Variants in SGCZ observed in about 807,000 individuals in gnomAD.
The protein encoded by SGCZ is sarcoglycan zeta, also known as zeta-sarcoglycan.
SGCZ carries 40 observed loss-of-function variants against 41.3 expected under a neutral mutation model. The ratio of observed to expected loss-of-function variants is 0.97; its 90% CI spans 0.75 to 1.26. The LOEUF is 1.26. Ranked by LOEUF, SGCZ falls within the 50% of genes most tolerant of loss-of-function variation. The pLI, the probability that SGCZ is intolerant of heterozygous loss-of-function variation, is 0.00. For synonymous variants in SGCZ, 206 were observed against 137.5 expected (o/e 1.50, Z -3.49); for missense variants, 552 against 369.8 (o/e 1.49, Z -4.04).
At chr8:14,418,044 T>C (rs967070909) in intron 2 of SGCZ, among the ~76,000 whole-genome samples, 1 of 151,862 alleles carries the variant, frequency 6.6e-6, no homozygotes, top group African/African-American at 2.4e-5. Flanking sequence ...TTTCATAGGC[T>C]ATGTCTGTCA....
At chr8:14,811,120 G>A (rs1801725179) in intron 1 of SGCZ, among the ~76,000 whole-genome samples, 1 of 151,850 alleles carries the variant, frequency 6.6e-6, no homozygotes, top group Non-Finnish European at 1.5e-5. Context: ...AAGAAATATA[G>A]AACACAGAAA....
chr8:14,977,637 C>A (rs1341053764), intron 1 of SGCZ, among the ~76,000 whole-genome samples: 1 of 151,686 alleles, frequency 6.6e-6, no homozygotes, highest in Non-Finnish European at 1.5e-5. Flanking sequence ...TAAAAATATG[C>A]AAAATCTTGC....
At chr8:14,218,945 C>T (rs148500186) in intron 4 of SGCZ, among the ~76,000 whole-genome samples, 2 of 152,180 alleles carry the variant, frequency 1.3e-5, no homozygotes, top group Non-Finnish European at 2.9e-5. Flanking sequence ...TACAGCTACA[C>T]GGAGAAATTG....
At chr8:14,547,426 C>G (rs919645468) in intron 2 of SGCZ, among the ~76,000 whole-genome samples, 6 of 151,998 alleles carry the variant, frequency 3.9e-5, no homozygotes, top group Admixed American at 6.6e-5. Flanking sequence ...TATGTAAACG[C>G]TTTTTATATC....
chr8:14,318,012 T>C (rs965126405), intron 3 of SGCZ, among the ~76,000 whole-genome samples: 1 of 151,982 alleles, frequency 6.6e-6, no homozygotes, highest in African/African-American at 2.4e-5. Flanking sequence ...TTTGGGTTTC[T>C]TGCAAGTATA....
rs555683522 is a variant in SGCZ at position 14,575,307 on chromosome 8, GT to G, written c.40-20382del. On this transcript the variant is annotated intron_variant, in intron 1 of 7. Transcript: ENST00000382080. ...AGATGTACAGGTATGGCTACTTTGA[GT>G]TGAATGGAAATAGCAAGTGATGGGA... is the stretch of plus-strand genomic sequence containing the variant. 1.4e-4 allele frequency among the ~76,000 whole-genome samples: 22 copies of G among 152,276 alleles called. No individual in the cohort carries two copies. The South Asian group carries it at 3.7e-3, about 26-fold the overall frequency.
intron 4 of SGCZ, among the ~76,000 whole-genome samples, chr8:14,216,841 G>T (rs905453300): frequency 6.6e-6 from 1 of 152,184 alleles, no homozygotes; most frequent in Admixed American, 6.5e-5. Context: ...TCTGAGTCAT[G>T]TAAGTCCTAA....
At chr8:14,293,672 CG>C in intron 3 of SGCZ, among the ~76,000 whole-genome samples, 1 of 151,556 alleles carries the variant, frequency 6.6e-6, no homozygotes, top group Non-Finnish European at 1.5e-5. Context: ...GGTTAATTAA[CG>C]ACTGAAATTC....
intron 2 of SGCZ, among the ~76,000 whole-genome samples, chr8:14,362,336 T>C (rs1196296280): frequency 6.6e-6 from 1 of 152,194 alleles, no homozygotes; most frequent in Admixed American, 6.5e-5. Flanking sequence ...CTCTGCCCAG[T>C]TCGAGCTTTC....
intron 2 of SGCZ, among the ~76,000 whole-genome samples, chr8:14,520,120 T>A (rs1030297375): frequency 2.0e-5 from 3 of 152,110 alleles, no homozygotes; most frequent in Non-Finnish European, 4.4e-5. Flanking sequence ...TTATAATACA[T>A]CCTGCCAAGT....
At chr8:14,546,509 A>G (rs1803632700) in intron 2 of SGCZ, among the ~76,000 whole-genome samples, 2 of 152,076 alleles carry the variant, frequency 1.3e-5, no homozygotes, top group Admixed American at 1.3e-4. Context: ...ATGTCATTGT[A>G]CTCTCCAGAA....
At chr8:14,817,884 C>G (rs1300225650) in intron 1 of SGCZ, among the ~76,000 whole-genome samples, 2 of 152,308 alleles carry the variant, frequency 1.3e-5, no homozygotes, top group Non-Finnish European at 2.9e-5. Context: ...CACCTGAATC[C>G]ACTGTGCCTG....
In SGCZ at chr8:15,082,915, A is replaced by C. The variant is rs1172111445; in HGVS notation, c.39+154670T>G. ...CAAAAGGTTCACTTAGACAGTATTC[A>C]ATTTTCTAGCATTTTTTTTTCTAAA... On this transcript the variant is annotated intron_variant, in intron 1 of 7. Coordinates refer to ENST00000382080, the MANE Select transcript of SGCZ (RefSeq NM_139167.4). 2.6e-5 allele frequency among the ~76,000 whole-genome samples: 4 copies of C among 152,086 alleles called. No homozygotes were observed. In the East Asian group the frequency reaches 5.8e-4, roughly 22 times the overall value.
chr8:15,151,901 C>T (rs192644371), intron 1 of SGCZ, among the ~76,000 whole-genome samples: 19 of 152,100 alleles, frequency 1.2e-4, no homozygotes, highest in East Asian at 1.2e-3. Flanking sequence ...GCATTTGAAG[C>T]GGTTAATCCA....
intron 1 of SGCZ, among the ~76,000 whole-genome samples, chr8:14,806,590 T>A (rs946755688): frequency 2.0e-5 from 3 of 152,152 alleles, no homozygotes; most frequent in Non-Finnish European, 4.4e-5. Context: ...CAATAATCAA[T>A]AGCTTACCAA....
chr8:14,850,654 G>C (rs1445461056), intron 1 of SGCZ, among the ~76,000 whole-genome samples: 8 of 152,116 alleles, frequency 5.3e-5, no homozygotes, highest in Admixed American at 5.2e-4. Flanking sequence ...ACATGGTTAG[G>C]CTTTGTGTAC....
intron 2 of SGCZ, among the ~76,000 whole-genome samples, chr8:14,538,680 G>A (rs1166015375): frequency 6.6e-6 from 1 of 151,942 alleles, no homozygotes; most frequent in African/African-American, 2.4e-5. Context: ...ACCAGCAGCT[G>A]TTCATTACTG....
intron 4 of SGCZ, among the ~76,000 whole-genome samples, chr8:14,204,339 A>G (rs1284831139): frequency 6.6e-6 from 1 of 150,512 alleles, no homozygotes; most frequent in Non-Finnish European, 1.5e-5. Context: ...ACCAAATACC[A>G]GCATTACCCA....
chr8:14,831,800 A>ACATGTATATATGTGTACACATG lies in SGCZ; in HGVS notation c.40-276875_40-276874insCATGTGTACACATATATACATG, dbSNP rs1466277740. ...CACACGTATATATGTGTGTACACAT[A>ACATGTATATATGTGTACACATG]CATGTATATATGTGTGCACATACAT... On this transcript the variant is annotated intron_variant, in intron 1 of 7. Transcript: ENST00000382080. Among the ~76,000 whole-genome samples, 15 of 135,068 alleles carry ACATGTATATATGTGTACACATG rather than the reference A, an allele frequency of 1.1e-4. No individual in the cohort carries two copies. In the East Asian group the frequency reaches 2.3e-3, roughly 21 times the overall value. The allele number at this position is 135,068 out of a possible 152,430, so 88.6% of individuals were successfully genotyped here.
Sources: allele counts gnomAD v4.1 joint callset (sites outside exome capture counted in the v4.1 genomes callset), GRCh38; gene constraint gnomAD v4.1.1; transcripts MANE v1.5; gene names NCBI Gene and HGNC (gene_info 2026-07-23, HGNC 2026-07-21).